The following CATSPERG variants were observed in gnomAD, a reference collection of about 807,000 sequenced individuals.
CATSPERG encodes catsper channel auxiliary subunit gamma.
CATSPERG carries 115 observed loss-of-function variants against 145.0 expected under a neutral mutation model. That is an observed-to-expected ratio of 0.79 (90% confidence interval 0.68 to 0.93). The LOEUF is 0.93. Ranked by LOEUF, CATSPERG falls within the 40% of genes least tolerant of loss-of-function variation. CATSPERG has a pLI of 0.00. For synonymous variants in CATSPERG, 588 were observed against 589.0 expected (o/e 1.00, Z 0.02); for missense variants, 1,296 against 1,490.1 (o/e 0.87, Z 2.14).
intron 1 of CATSPERG, chr19:38,336,880 C>T (rs1206878957): frequency 5.0e-6 from 2 of 401,626 alleles, no homozygotes; most frequent in East Asian, 1.1e-4. Context: ...GGGGTGTGGC[C>T]AGAAACATTA....
chr19:38,366,366 G>A (rs1970448519), intron 22 of CATSPERG: 1 of 152,308 alleles, frequency 6.6e-6, no homozygotes, highest in African/African-American at 2.4e-5. Flanking sequence ...CCTCCTTAGA[G>A]TACATGAGAT....
chr19:38,346,407 G>A, intron 6 of CATSPERG, 43 bp from the exon 7 acceptor site: 3 of 1,488,966 alleles, frequency 2.0e-6, no homozygotes, highest in Non-Finnish European at 2.7e-6. Context: ...AGTCTCAGGA[G>A]AGTGGGGAGA....
At chr19:38,340,951 G>A (rs1029016527) in intron 3 of CATSPERG, among the ~76,000 whole-genome samples, 1 of 152,166 alleles carries the variant, frequency 6.6e-6, no homozygotes, top group Non-Finnish European at 1.5e-5. Context: ...GGAAAGGCTT[G>A]AGCAGAGACT....
At chr19:38,367,445 G>C (rs1046078157) in intron 23 of CATSPERG, 64 bp from the exon 24 acceptor site, 1 of 1,576,304 alleles carries the variant, frequency 6.3e-7, no homozygotes, top group Non-Finnish European at 8.7e-7. Context: ...CCCCCGTCTC[G>C]GTCCTCAGCT....
chr19:38,335,958 A>G, intron 1 of CATSPERG, 83 bp downstream of exon 1: 1 of 267,888 alleles, frequency 3.7e-6, no homozygotes. Context: ...AGGGGAGGGG[A>G]AGGGGAAGGC....
intron 20 of CATSPERG, among the ~76,000 whole-genome samples, chr19:38,364,188 G>T (rs1324359399): frequency 1.3e-5 from 2 of 151,822 alleles, no homozygotes; most frequent in East Asian, 3.9e-4. Flanking sequence ...GGGCGGAGAC[G>T]CTCCTCACTT....
intron 6 of CATSPERG, among the ~76,000 whole-genome samples, chr19:38,345,240 C>A (rs1357969818): frequency 1.6e-4 from 24 of 151,372 alleles, no homozygotes; most frequent in Admixed American, 1.6e-3. Context: ...ATTACAGGCA[C>A]CCATCACCAC....
At position 38,360,861 on chromosome 19, in the gene CATSPERG, C is replaced by G. The variant is rs2145099606; in HGVS notation, c.1880+18C>G. The G allele has an allele frequency of 1.3e-6, 2 of 1,585,718 alleles. No individual in the cohort carries two copies. The highest frequency in any genetic ancestry group is 4.5e-5 in the East Asian group (2 of 44,324). ...CGGAAAGGGTGAGAAGACACCGGAC[C>G]ATGACAGGGGTCTGAGGGCTCCCGG... On this transcript the variant is annotated intron_variant, in intron 16 of 28. Coordinates refer to ENST00000409235, the MANE Select transcript of CATSPERG (RefSeq NM_021185.5).
In CATSPERG at chr19:38,362,475, G is replaced by T; in HGVS notation, c.2257G>T (p.Glu753Ter). ...GATCTACAACCTCGAGTCCGCGTAC[G>T]AGCTGCCGGAGCGCATTTTCCTGGA... ...EKIYNLESAY[E>*]LPERIFLDKG... The change falls in exon 19 of 29, where the codon GAG (glutamate) becomes TAG (stop). Residue 753 changes from glutamate to a stop codon, truncating the protein, a stop_gained. Transcript: ENST00000409235. LOFTEE classifies it high-confidence loss of function. 1 of 1,613,922 alleles carries T rather than the reference G, an allele frequency of 6.2e-7. No individual in the cohort carries two copies.
At chr19:38,362,854 G>A (rs1317942119) in intron 20 of CATSPERG, 22 bp downstream of exon 20, 1 of 1,296,262 alleles carries the variant, frequency 7.7e-7, no homozygotes, top group Non-Finnish European at 1.1e-6. Flanking sequence ...CGGGGAGTTG[G>A]GATCAAGGGA....
chr19:38,362,696 G>C lies in CATSPERG; in HGVS notation c.2357-18G>C, dbSNP rs979411266. 3 of 1,613,330 alleles carry C rather than the reference G, an allele frequency of 1.9e-6. No individual in the cohort carries two copies. Among genetic ancestry groups the C allele is most frequent in the Admixed American group, 1.7e-5 (1 of 59,996 alleles). On this transcript the variant is annotated intron_variant, in intron 19 of 28. Coordinates refer to ENST00000409235, the MANE Select transcript of CATSPERG (RefSeq NM_021185.5). ...TGTCTGTGAGGGAGGCCTTAACCCC[G>C]TTTACTGCCCGGAGCAGGCACCGCC...
At chr19:38,366,055 C>T (rs1400622892) in intron 22 of CATSPERG, 1 of 152,322 alleles carries the variant, frequency 6.6e-6, no homozygotes, top group Non-Finnish European at 1.5e-5. Flanking sequence ...AAGGGCTGGC[C>T]TGGCCCTGCT....
rs1465237026 is a variant in CATSPERG at position 38,360,723 on chromosome 19, C to G, written c.1768-8C>G. On this transcript the variant is annotated splice_polypyrimidine_tract_variant and splice_region_variant and intron_variant, in intron 15 of 28. Transcript: ENST00000409235. ...CCCAGCTCACCTGGCCCTGCCTTCCCCCTGCAGCTGGTGTACCTTATGAAC... is the reference window on the plus strand; with the variant it reads ...CCCAGCTCACCTGGCCCTGCCTTCCGCCTGCAGCTGGTGTACCTTATGAAC... 5.0e-6 allele frequency: 8 copies of G among 1,613,982 alleles called. No individual in the cohort carries two copies. Among genetic ancestry groups the G allele is most frequent in the Non-Finnish European group, 6.8e-6 (8 of 1,179,958 alleles).
Position 38,365,137 on chromosome 19 carries a change from T to C in CATSPERG, c.2613+20T>C, listed in dbSNP as rs778667015. On this transcript the variant is annotated intron_variant, in intron 22 of 28. Transcript: ENST00000409235. The stretch of plus-strand genomic sequence containing the variant: ...ATGCAAGTATTGGAGCTTGGGATAC[T>C]GGGCCCTGGGAGGGGAAGGTTGGGG... The C allele has an allele frequency of 4.3e-6, 7 of 1,611,442 alleles. No homozygotes were observed. In the East Asian group the frequency reaches 6.7e-5, roughly 15 times the overall value.
chr19:38,362,470 C>T lies in CATSPERG; in HGVS notation c.2252C>T (p.Ala751Val). ...SYEKIYNLES[A>V]YELPERIFLD... is the part of the protein sequence containing the mutation. ...GAAAAGATCTACAACCTCGAGTCCGCGTACGAGCTGCCGGAGCGCATTTTC... is the reference window on the plus strand; with the variant it reads ...GAAAAGATCTACAACCTCGAGTCCGTGTACGAGCTGCCGGAGCGCATTTTC... The change falls in exon 19 of 29, where the codon GCG becomes GTG. Residue 751 changes from alanine to valine, a missense_variant. Ala to Val is a moderately conservative substitution (Grantham distance 64). Transcript: ENST00000409235. The T allele has an allele frequency of 6.2e-7, 1 of 1,613,958 alleles. No individual in the cohort carries two copies. The highest frequency in any genetic ancestry group is 8.5e-7 in the Non-Finnish European group (1 of 1,180,038).
rs1244738725 is a variant in CATSPERG, at chr19:38,346,432, C to G, written c.670-18C>G. On this transcript the variant is annotated intron_variant, in intron 6 of 28. Coordinates refer to ENST00000409235, the MANE Select transcript of CATSPERG (RefSeq NM_021185.5). ...GAGTGGGGAGAGTGTTGGCGTCCCT[C>G]CTGTCCCTCCTTGGCAGCTCTTCAA... The G allele has an allele frequency of 1.3e-6, 2 of 1,523,866 alleles. No homozygotes were observed. The highest frequency in any genetic ancestry group is 1.7e-4 in the Middle Eastern group (1 of 5,896). The allele number at this position is 1,523,866 out of a possible 1,614,324, so 94.4% of individuals were successfully genotyped here.
intron 28 of CATSPERG, 63 bp downstream of exon 28, chr19:38,370,321 C>T (rs1285183352): frequency 1.3e-6 from 2 of 1,486,012 alleles, no homozygotes; most frequent in Non-Finnish European, 1.9e-6. Context: ...CATACCTATG[C>T]TTGTTATACC....
At chr19:38,336,367 C>G in intron 1 of CATSPERG, 2 of 342,132 alleles carry the variant, frequency 5.8e-6, no homozygotes, top group Non-Finnish European at 6.0e-6. Context: ...GACGGGGCGA[C>G]GGGCCCGCGC....
intron 8 of CATSPERG, among the ~76,000 whole-genome samples, chr19:38,354,182 T>C (rs1478822932): frequency 1.3e-5 from 2 of 152,126 alleles, no homozygotes; most frequent in East Asian, 1.9e-4. Context: ...ATTTTGACAG[T>C]GGGAGGAACC....
Sources: allele counts gnomAD v4.1 joint callset (sites outside exome capture counted in the v4.1 genomes callset), GRCh38; gene constraint gnomAD v4.1.1; transcripts MANE v1.5; gene names NCBI Gene and HGNC (gene_info 2026-07-23, HGNC 2026-07-21).